Variants in GPC6 observed in about 807,000 individuals in gnomAD.
The protein encoded by GPC6 is glypican-6.
In GPC6, 14 loss-of-function variants were observed where a neutral mutation model predicts 55.2. The ratio of observed to expected loss-of-function variants is 0.25; its 90% confidence interval spans 0.17 to 0.40. The LOEUF (loss-of-function observed/expected upper bound fraction) is 0.40, where lower values mean the gene tolerates loss of function less well. GPC6 is among the 10% of genes least tolerant of loss of function. The probability of loss-of-function intolerance (pLI) is 1.00; values close to 1 mark genes in which losing one functional copy is unlikely to be tolerated. For synonymous variants in GPC6, 278 were observed against 259.6 expected, an observed-to-expected ratio of 1.07 and a Z score of -0.68; for missense variants, 641 against 708.5, an observed-to-expected ratio of 0.90 and a Z score of 1.08.
At chr13:93,381,816 A>G (rs1875185238) in intron 1 of GPC6, among the ~76,000 whole-genome samples, 2 of 152,094 alleles carry the variant, frequency 1.3e-5, no homozygotes, top group South Asian at 4.1e-4. Flanking sequence ...TGCTTCATTC[A>G]TTCTTTCTTC....
chr13:93,939,624 A>T (rs1002734166), intron 3 of GPC6, among the ~76,000 whole-genome samples: 3 of 151,624 alleles, frequency 2.0e-5, no homozygotes, highest in African/African-American at 7.3e-5. Flanking sequence ...TAACACTAAA[A>T]TTTTTTTTGA....
intron 2 of GPC6, among the ~76,000 whole-genome samples, chr13:93,637,895 T>C (rs1238635008): frequency 6.6e-6 from 1 of 152,138 alleles, no homozygotes; most frequent in Non-Finnish European, 1.5e-5. Flanking sequence ...GTAGCCGTCA[T>C]ATTAGAGATG....
intron 2 of GPC6, among the ~76,000 whole-genome samples, chr13:93,563,705 A>G (rs1242978173): frequency 3.9e-5 from 6 of 151,992 alleles, no homozygotes; most frequent in Non-Finnish European, 8.8e-5. Flanking sequence ...GGTAATGTCA[A>G]GAAAAACGTC....
At chr13:93,257,679 C>T (rs1877002101) in intron 1 of GPC6, among the ~76,000 whole-genome samples, 1 of 152,110 alleles carries the variant, frequency 6.6e-6, no homozygotes, top group South Asian at 2.1e-4. Flanking sequence ...GATGAGGAAA[C>T]TGAGGCAGAG....
At chr13:93,396,602 G>C (rs1315998371) in intron 1 of GPC6, among the ~76,000 whole-genome samples, 2 of 143,548 alleles carry the variant, frequency 1.4e-5, no homozygotes, top group Non-Finnish European at 3.1e-5. Context: ...AATAATAATA[G>C]AACTATAAGC....
chr13:93,257,210 G>T (rs1876984038), intron 1 of GPC6, among the ~76,000 whole-genome samples: 1 of 151,984 alleles, frequency 6.6e-6, no homozygotes, highest in Admixed American at 6.6e-5. Flanking sequence ...CTGACGGGGA[G>T]GACTGTTTGA....
chr13:94,376,388 A>C (rs1295901308), intron 6 of GPC6, among the ~76,000 whole-genome samples: 1 of 151,174 alleles, frequency 6.6e-6, no homozygotes, highest in Non-Finnish European at 1.5e-5. Flanking sequence ...AATCACAAGC[A>C]TTCTTATACA....
At chr13:94,021,533 T>A (rs927060689) in intron 3 of GPC6, among the ~76,000 whole-genome samples, 2 of 152,042 alleles carry the variant, frequency 1.3e-5, no homozygotes, top group Non-Finnish European at 2.9e-5. Flanking sequence ...GCTAGCCAGG[T>A]AGATAAGTCT....
At chr13:94,185,243 T>C (rs1889131520) in intron 4 of GPC6, among the ~76,000 whole-genome samples, 1 of 136,838 alleles carries the variant, frequency 7.3e-6, no homozygotes, top group African/African-American at 2.8e-5. Flanking sequence ...GCACATGGAC[T>C]CCAAAATAAA....
intron 4 of GPC6, among the ~76,000 whole-genome samples, chr13:94,038,411 C>G (rs1287363075): frequency 6.6e-6 from 1 of 151,780 alleles, no homozygotes; most frequent in Non-Finnish European, 1.5e-5. Context: ...AACCACATAA[C>G]CTGGACCTGA....
chr13:93,247,659 TGGCCCTCATAAAAGGTCAGTTTC>T (rs959088054), intron 1 of GPC6, among the ~76,000 whole-genome samples: 1 of 152,186 alleles, frequency 6.6e-6, no homozygotes, highest in Non-Finnish European at 1.5e-5. Context: ...TATTACCACA[TGGCCCTCATAAAAGGTCAGTTTC>T]AATTGAATAT....
At chr13:93,388,794 A>C (rs115501730) in intron 1 of GPC6, among the ~76,000 whole-genome samples, 45 of 152,304 alleles carry the variant, frequency 3.0e-4, no homozygotes, top group African/African-American at 1.0e-3. Context: ...TACCACTAGA[A>C]TGTAAGCTCC....
intron 1 of GPC6, among the ~76,000 whole-genome samples, chr13:93,440,296 G>T (rs565189367): frequency 1.1e-4 from 17 of 152,314 alleles, no homozygotes; most frequent in Non-Finnish European, 2.4e-4. Context: ...CGAGAGTTTT[G>T]TTACCTCCTG....
intron 2 of GPC6, among the ~76,000 whole-genome samples, chr13:93,726,806 A>C (rs1933780): frequency 0.94 from 143,019 of 152,092 alleles, 67,272 homozygotes; most frequent in Admixed American, 0.97. Flanking sequence ...ACAACTACCC[A>C]CTTAGGACTA....
At chr13:93,976,529 G>A (rs1880525391) in intron 3 of GPC6, among the ~76,000 whole-genome samples, 1 of 151,648 alleles carries the variant, frequency 6.6e-6, no homozygotes, top group Admixed American at 6.6e-5. Flanking sequence ...TAAAAGAAAT[G>A]TATAAAGGGA....
chr13:93,739,354 A>G (rs561595850), intron 2 of GPC6, among the ~76,000 whole-genome samples: 1 of 152,166 alleles, frequency 6.6e-6, no homozygotes, highest in Non-Finnish European at 1.5e-5. Context: ...TGTATGTATT[A>G]AAGCTCAAAA....
intron 1 of GPC6, among the ~76,000 whole-genome samples, chr13:93,540,909 T>A (rs1882268370): frequency 6.6e-6 from 1 of 152,184 alleles, no homozygotes; most frequent in Admixed American, 6.6e-5. Flanking sequence ...ATCCTTTTTT[T>A]AGCTTCCACA....
At chr13:94,001,718 A>G (rs1044130495) in intron 3 of GPC6, among the ~76,000 whole-genome samples, 3 of 152,236 alleles carry the variant, frequency 2.0e-5, no homozygotes, top group African/African-American at 7.2e-5. Flanking sequence ...ATGAAAATAC[A>G]GTTGGTTTCA....
At chr13:93,560,625 G>A (rs1368205876) in intron 2 of GPC6, among the ~76,000 whole-genome samples, 1 of 152,058 alleles carries the variant, frequency 6.6e-6, no homozygotes, top group Non-Finnish European at 1.5e-5. Flanking sequence ...AGAGGCCAAG[G>A]CGGGCGGATC....
Sources: allele counts gnomAD v4.1 joint callset (sites outside exome capture counted in the v4.1 genomes callset), GRCh38; gene constraint gnomAD v4.1.1; transcripts MANE v1.5; gene names NCBI Gene and HGNC (gene_info 2026-07-23, HGNC 2026-07-21).